Variants in SLC12A8 observed in about 807,000 individuals in gnomAD.
The protein encoded by SLC12A8 is cation-chloride cotransporter 9.
SLC12A8 carries 69 observed loss-of-function variants against 75.6 expected under a neutral mutation model. The observed-to-expected ratio is 0.91, with a 90% CI of 0.75 to 1.11. The LOEUF is 1.11. SLC12A8 is among the 50% of genes most tolerant of loss of function. SLC12A8 has a pLI of 0.00. For missense variants in SLC12A8, 877 were observed against 896.7 expected, an observed-to-expected ratio of 0.98 and a Z score of 0.28; for synonymous variants, 365 against 372.8, an observed-to-expected ratio of 0.98 and a Z score of 0.24.
chr3:125,156,049 T>C (rs1174465789), intron 5 of SLC12A8, among the ~76,000 whole-genome samples: 2 of 152,072 alleles, frequency 1.3e-5, no homozygotes, highest in East Asian at 1.9e-4. Flanking sequence ...CATACAGAGA[T>C]AATCCAGGCC....
At chr3:125,190,081 A>C (rs990187552) in intron 3 of SLC12A8, among the ~76,000 whole-genome samples, 6 of 152,230 alleles carry the variant, frequency 3.9e-5, no homozygotes, top group Non-Finnish European at 1.5e-5. Flanking sequence ...AATTGCCATC[A>C]ATCTGATCTC....
chr3:125,190,010 C>A (rs1343559468), intron 3 of SLC12A8, among the ~76,000 whole-genome samples: 2 of 152,040 alleles, frequency 1.3e-5, no homozygotes. Context: ...ACCATGTGGG[C>A]GGGCCCAAGA....
intron 4 of SLC12A8, among the ~76,000 whole-genome samples, chr3:125,184,902 G>A (rs2107792647): frequency 6.6e-6 from 1 of 152,134 alleles, no homozygotes; most frequent in African/African-American, 2.4e-5. Flanking sequence ...AAAAGAAAGA[G>A]AAGACATTAT....
intron 5 of SLC12A8, among the ~76,000 whole-genome samples, chr3:125,168,655 T>C (rs1934343481): frequency 6.6e-6 from 1 of 152,160 alleles, no homozygotes. Flanking sequence ...CCATTTCAAA[T>C]TAGCATAGGT....
At chr3:125,147,847 A>C (rs1933823755) in intron 5 of SLC12A8, among the ~76,000 whole-genome samples, 1 of 152,180 alleles carries the variant, frequency 6.6e-6, no homozygotes, top group African/African-American at 2.4e-5. Flanking sequence ...ATCCTGAAGC[A>C]CTGCCTTAGA....
intron 5 of SLC12A8, among the ~76,000 whole-genome samples, chr3:125,140,512 T>C (rs674526): frequency 0.54 from 81,264 of 151,712 alleles, 22,016 homozygotes; most frequent in East Asian, 0.66. Flanking sequence ...CCGGCCCCAT[T>C]TGTGTAGGGC....
At chr3:125,210,267 T>G (rs1010418964) in intron 2 of SLC12A8, among the ~76,000 whole-genome samples, 1 of 152,176 alleles carries the variant, frequency 6.6e-6, no homozygotes, top group African/African-American at 2.4e-5. Context: ...AGTGACAAAT[T>G]GTTGATAAGA....
Position 125,091,477 on chromosome 3 carries a change from T to C in SLC12A8, c.1883A>G (p.Tyr628Cys), listed in dbSNP as rs1378937338. The C allele has an allele frequency of 6.2e-7, 1 of 1,613,776 alleles. No individual in the cohort carries two copies. The highest frequency in any genetic ancestry group is 1.3e-5 in the African/African-American group (1 of 74,876). Residue 628 changes from tyrosine to cysteine, a missense_variant, in exon 12 of 14, where the codon TAT (tyrosine) becomes TGT (cysteine). Physicochemically the swap from Tyr to Cys is radical, Grantham distance 194. Coordinates refer to ENST00000469902, the MANE Select transcript of SLC12A8 (RefSeq NM_024628.6). ...TGGACTGGCCCGGCCAATGTAGAAA[T>C]ACACGATGGCAGCAACACCCATGTT... ...LVNMGVAAIV[Y>C]FYIGRASPGL...
At chr3:125,116,834 G>A (rs1005852439) in intron 8 of SLC12A8, among the ~76,000 whole-genome samples, 1 of 152,210 alleles carries the variant, frequency 6.6e-6, no homozygotes, top group Non-Finnish European at 1.5e-5. Context: ...GGTCAAACCA[G>A]CCTCACCCAG....
intron 6 of SLC12A8, among the ~76,000 whole-genome samples, chr3:125,125,494 G>T (rs1215789252): frequency 6.6e-6 from 1 of 152,212 alleles, no homozygotes; most frequent in Non-Finnish European, 1.5e-5. Context: ...GGGAGGCGTA[G>T]GTTGCAATGA....
At chr3:125,133,717 C>T (rs532041458) in intron 6 of SLC12A8, among the ~76,000 whole-genome samples, 105 of 152,280 alleles carry the variant, frequency 6.9e-4, no homozygotes, top group African/African-American at 2.4e-3. Flanking sequence ...TGAGCCACTG[C>T]GCCCGGCCAA....
chr3:125,186,994 T>TG (rs770691784), intron 4 of SLC12A8, among the ~76,000 whole-genome samples: 89 of 152,340 alleles, frequency 5.8e-4, no homozygotes, highest in Non-Finnish European at 1.0e-3. Flanking sequence ...GGCCCTGCCC[T>TG]GCTGGTCACA....
intron 2 of SLC12A8, among the ~76,000 whole-genome samples, chr3:125,198,385 G>A (rs1250284220): frequency 1.3e-5 from 2 of 152,126 alleles, no homozygotes; most frequent in Non-Finnish European, 2.9e-5. Context: ...TATAATCCCA[G>A]CACTTTGGGA....
Position 125,144,711 on chromosome 3 carries a change from C to G in SLC12A8, c.623-8929G>C, listed in dbSNP as rs1423891962. 2.0e-5 allele frequency among the ~76,000 whole-genome samples: 3 copies of G among 152,194 alleles called. No individual in the cohort carries two copies. The East Asian group carries it at 5.8e-4, about 29-fold the overall frequency. ...TGACCCCTGACACCCCCAAAATAAT[C>G]CTAACTCAACTCATGGCCCCCTCAA... On this transcript the variant is annotated intron_variant, in intron 5 of 13. Coordinates refer to ENST00000469902, the MANE Select transcript of SLC12A8 (RefSeq NM_024628.6).
chr3:125,092,012 C>T (rs74619178), intron 11 of SLC12A8, 89 bp downstream of exon 11: 19,868 of 849,044 alleles, frequency 0.023, 476 homozygotes, highest in East Asian at 0.1. Context: ...TTAGGCCCTC[C>T]ATCTTTCCTC....
intron 6 of SLC12A8, among the ~76,000 whole-genome samples, chr3:125,127,423 G>A (rs1449674481): frequency 1.3e-5 from 2 of 152,214 alleles, no homozygotes; most frequent in Admixed American, 6.5e-5. Flanking sequence ...GGGAAGCAAC[G>A]GGGTTTACCG....
intron 5 of SLC12A8, among the ~76,000 whole-genome samples, chr3:125,161,604 C>T (rs930886286): frequency 1.3e-5 from 2 of 151,678 alleles, no homozygotes; most frequent in African/African-American, 4.9e-5. Context: ...TCCCAGCTAT[C>T]TGGATCCTTG....
At chr3:125,206,187 C>G (rs952180007) in intron 2 of SLC12A8, among the ~76,000 whole-genome samples, 2 of 152,238 alleles carry the variant, frequency 1.3e-5, no homozygotes, top group African/African-American at 4.8e-5. Flanking sequence ...CTTAACCATA[C>G]ACTGGCTAAT....
intron 5 of SLC12A8, among the ~76,000 whole-genome samples, chr3:125,174,022 G>T (rs918399649): frequency 6.6e-6 from 1 of 152,180 alleles, no homozygotes; most frequent in Non-Finnish European, 1.5e-5. Flanking sequence ...AACCCGGGAG[G>T]CAGAGGTTGC....
Sources: gnomAD v4.1 joint callset for allele counts (sites outside exome capture counted in the v4.1 genomes callset) on GRCh38, gnomAD v4.1.1 for gene constraint, MANE v1.5 for transcripts, NCBI Gene and HGNC (gene_info 2026-07-23, HGNC 2026-07-21) for gene names.